CCDC192: variants seen among roughly 807,000 people sequenced by gnomAD.
CCDC192 encodes coiled-coil domain-containing protein 192.
chr5:127,936,809 C>T (rs1754199720), intron 6 of CCDC192, among the ~76,000 whole-genome samples: 2 of 152,144 alleles, frequency 1.3e-5, no homozygotes, highest in Non-Finnish European at 2.9e-5. Flanking sequence ...CCGGGAGACC[C>T]GCCTTGGCAA....
chr5:127,750,208 G>T (rs199972802), intron 2 of CCDC192, among the ~76,000 whole-genome samples: 2 of 151,738 alleles, frequency 1.3e-5, no homozygotes, highest in Non-Finnish European at 2.9e-5. Context: ...GTGATGTTAG[G>T]GTGTCAATTT....
intron 3 of CCDC192, among the ~76,000 whole-genome samples, chr5:127,782,761 C>G (rs1214435598): frequency 6.6e-6 from 1 of 151,966 alleles, no homozygotes; most frequent in Non-Finnish European, 1.5e-5. Flanking sequence ...AAAGAACCAG[C>G]TTTTGGTTAA....
At chr5:127,717,802 T>A (rs1225084987) in intron 2 of CCDC192, among the ~76,000 whole-genome samples, 1 of 151,342 alleles carries the variant, frequency 6.6e-6, no homozygotes, top group African/African-American at 2.4e-5. Flanking sequence ...CTGCACTCCT[T>A]CATCAGCCAA....
At chr5:127,710,786 C>T (rs1016286217) in intron 2 of CCDC192, among the ~76,000 whole-genome samples, 12 of 152,104 alleles carry the variant, frequency 7.9e-5, no homozygotes, top group East Asian at 1.9e-4. Flanking sequence ...AATTGAGATT[C>T]GGGGAGATTC....
chr5:127,922,839 G>T (rs1270744527), intron 6 of CCDC192, among the ~76,000 whole-genome samples: 2 of 152,220 alleles, frequency 1.3e-5, no homozygotes, highest in Non-Finnish European at 2.9e-5. Context: ...TCATCTAAAT[G>T]AACCAATGGG....
At chr5:127,853,338 A>G (rs1310992445) in intron 5 of CCDC192, among the ~76,000 whole-genome samples, 1 of 152,144 alleles carries the variant, frequency 6.6e-6, no homozygotes, top group Non-Finnish European at 1.5e-5. Context: ...CCCTTTCTCA[A>G]ACACATACCC....
chr5:127,747,144 T>TG (rs1270315065), intron 2 of CCDC192, among the ~76,000 whole-genome samples: 28 of 152,032 alleles, frequency 1.8e-4, no homozygotes, highest in African/African-American at 6.3e-4. Flanking sequence ...TTAGGGTACA[T>TG]GTGCACATTG....
chr5:127,742,902 CTG>C (rs1361103729), intron 2 of CCDC192, among the ~76,000 whole-genome samples: 24 of 152,188 alleles, frequency 1.6e-4, no homozygotes. Flanking sequence ...CAAACCAACA[CTG>C]ATCTATGGGG....
At chr5:127,787,144 C>T (rs1756586961) in intron 3 of CCDC192, 1 of 225,484 alleles carries the variant, frequency 4.4e-6, no homozygotes, top group South Asian at 7.8e-5. Flanking sequence ...AATTTATTCA[C>T]AGCAGTTTGG....
chr5:127,740,983 C>T (rs1178730835), intron 2 of CCDC192, among the ~76,000 whole-genome samples: 4 of 152,126 alleles, frequency 2.6e-5, no homozygotes, highest in Admixed American at 1.3e-4. Flanking sequence ...AAATGGCAAA[C>T]GTATTTGCAG....
At chr5:127,813,868 A>G (rs1282979494) in intron 5 of CCDC192, among the ~76,000 whole-genome samples, 1 of 152,256 alleles carries the variant, frequency 6.6e-6, no homozygotes, top group Non-Finnish European at 1.5e-5. Context: ...TATAGGAACT[A>G]AGAAGGACCT....
chr5:127,921,171 AAAGAAAAG>A lies in CCDC192; in HGVS notation c.536-20007_536-20000del, dbSNP rs893088213. ...GGAAAGGAAAGGAGAAAAGAAAAGA[AAAGAAAAG>A]AAGGAAGGAAAGAGAGAGAGAAAGA... On this transcript the variant is annotated intron_variant, in intron 6 of 6. Transcript: ENST00000514853. Among the ~76,000 whole-genome samples, 4 of 151,764 alleles carry A rather than the reference AAAGAAAAG, an allele frequency of 2.6e-5. No individual in the cohort carries two copies. In the South Asian group the frequency reaches 6.3e-4, roughly 24 times the overall value.
At chr5:127,819,128 C>T (rs541219503) in intron 5 of CCDC192, among the ~76,000 whole-genome samples, 41 of 152,196 alleles carry the variant, frequency 2.7e-4, no homozygotes, top group South Asian at 2.3e-3. Context: ...GTCACTTTTC[C>T]GGAAGTCCCT....
rs143011081 is a variant in CCDC192, at chr5:127,824,656, C to G, written c.411+26494C>G. On this transcript the variant is annotated intron_variant, in intron 5 of 6. Coordinates refer to ENST00000514853, the MANE Select transcript of CCDC192 (RefSeq NM_001317938.2). ...TAAATTTAGAAATTGCCTCATAGAT[C>G]AAGAAGAAGTCAGAATCTCTGTTTA... Among the ~76,000 whole-genome samples, 379 of 152,190 alleles carry G rather than the reference C, an allele frequency of 2.5e-3. 1 individual carries two copies. The highest frequency in any genetic ancestry group is 8.4e-3 in the African/African-American group (348 of 41,528).
intron 5 of CCDC192, among the ~76,000 whole-genome samples, chr5:127,832,990 A>G (rs1200791433): frequency 6.6e-6 from 1 of 152,218 alleles, no homozygotes; most frequent in Non-Finnish European, 1.5e-5. Flanking sequence ...GCAGGCTGAT[A>G]GAATTTGAGG....
chr5:127,719,544 TATATATATATATATACACACATAC>T lies in CCDC192; in HGVS notation c.114+11798_114+11821del, dbSNP rs1561445016. ...ATATATACACACATACATATATATATATATATATATATATACACACATACATATATATATATACCAAGCAGTGGG... is the reference window on the plus strand; with the variant it reads ...ATATATACACACATACATATATATATATATATATATATACCAAGCAGTGGG... On this transcript the variant is annotated intron_variant, in intron 2 of 6. Coordinates refer to ENST00000514853, the MANE Select transcript of CCDC192 (RefSeq NM_001317938.2). 6.1e-3 allele frequency among the ~76,000 whole-genome samples: 207 copies of T among 34,028 alleles called. 4 individuals carry two copies. Among genetic ancestry groups the T allele is most frequent in the Non-Finnish European group, 1.0e-2 (157 of 15,724 alleles). The allele number at this position is 34,028 out of a possible 152,430, so 22.3% of individuals were successfully genotyped here. A position where few individuals can be genotyped will look rare whatever the true frequency, so the allele number is the denominator to read the frequency against.
chr5:127,818,861 G>A (rs1749153347), intron 5 of CCDC192, among the ~76,000 whole-genome samples: 1 of 152,160 alleles, frequency 6.6e-6, no homozygotes, highest in Non-Finnish European at 1.5e-5. Context: ...TTTATAGCTG[G>A]CTACAGCCAT....
intron 6 of CCDC192, among the ~76,000 whole-genome samples, chr5:127,901,495 A>G (rs1423212372): frequency 6.6e-6 from 1 of 152,250 alleles, no homozygotes; most frequent in Non-Finnish European, 1.5e-5. Flanking sequence ...ATATAGTTTA[A>G]AAACAAATAG....
rs1311938762 is a variant in CCDC192 at position 127,875,608 on chromosome 5, T to G, written c.482T>G (p.Leu161Arg). Residue 161 changes from leucine to arginine, a missense_variant, in exon 6 of 7, where the codon CTG becomes CGG. Leu to Arg is a moderately radical substitution (Grantham distance 102). Transcript: ENST00000514853. ...DLATANAITV[L>R]ELNEKIKTLY... is the part of the protein sequence containing the mutation. ...GCAACAGCTAATGCCATCACAGTTC[T>G]GGAACTCAATGAGAAGATAAAGACT... 5.0e-6 allele frequency: 2 copies of G among 398,626 alleles called. No individual in the cohort carries two copies. 24.7% of individuals were successfully genotyped at this position (398,626 alleles called of 1,614,324 possible).
Sources: allele counts gnomAD v4.1 joint callset (sites outside exome capture counted in the v4.1 genomes callset), GRCh38; gene constraint gnomAD v4.1.1; transcripts MANE v1.5; gene names NCBI Gene and HGNC (gene_info 2026-07-23, HGNC 2026-07-21).